Variants in UTY observed in about 807,000 individuals in gnomAD.
UTY encodes the protein histone demethylase UTY.
Under a neutral mutation model 32.5 loss-of-function variants are expected in UTY, and 12 were observed. The ratio of observed to expected loss-of-function variants is 0.37; its 90% confidence interval spans 0.24 to 0.60. The LOEUF (loss-of-function observed/expected upper bound fraction) is 0.60. Among genes scored for constraint, UTY ranks in the 20% least tolerant of loss-of-function variants. The probability of loss-of-function intolerance (pLI) is 0.69; values close to 1 mark genes in which losing one functional copy is unlikely to be tolerated. For synonymous variants in UTY, 131 were observed against 103.4 expected, an observed-to-expected ratio of 1.27 and a Z score of -1.62; for missense variants, 303 against 299.2, an observed-to-expected ratio of 1.01 and a Z score of -0.09.
intron 10 of UTY, 52 bp downstream of exon 10, chrY:13,366,215 A>G: frequency 2.9e-6 from 1 of 344,786 alleles, no homozygotes; most frequent in Non-Finnish European, 4.0e-6. Flanking sequence ...AAAATCTACA[A>G]ATGATTTTAC....
At chrY:13,305,879 G>C (rs973646360) in intron 23 of UTY, among the ~76,000 whole-genome samples, 159 bp downstream of exon 23, 17 of 32,705 alleles carry the variant, frequency 5.2e-4, no homozygotes, top group African/African-American at 2.0e-3. Context: ...GAATTTTAGG[G>C]TTATTAGGTA....
intron 19 of UTY, 151 bp from the exon 20 acceptor site, chrY:13,324,857 C>A (rs2060116824): frequency 7.3e-6 from 1 of 137,424 alleles, no homozygotes; most frequent in Non-Finnish European, 1.4e-5. Flanking sequence ...TGCATCCTAA[C>A]CTTTGATATT....
chrY:13,453,129 G>T (rs2076454134), intron 3 of UTY, among the ~76,000 whole-genome samples: 1 of 33,556 alleles, frequency 3.0e-5, no homozygotes, highest in Non-Finnish European at 7.4e-5. Context: ...CTAACATAAG[G>T]ATAGAAATAG....
chrY:13,476,148 A>C, intron 2 of UTY: 2 of 156,657 alleles, frequency 1.3e-5, no homozygotes, highest in Non-Finnish European at 1.6e-5. Flanking sequence ...TGTATGTCCA[A>C]CGTTGTACCC....
Position 13,235,252 on chromosome Y carries a change from G to C in UTY, c.*1477-426C>G, listed in dbSNP as rs374662282. ...GGAGCAGACACCTCCAAGCCTGTGG[G>C]GGAGGGATCCTTCCTGGGCCCCTGA... On this transcript the variant is annotated intron_variant and NMD_transcript_variant, in intron 28 of 28. Transcript: ENST00000682112. Among the ~76,000 whole-genome samples the C allele has an allele frequency of 2.1e-4, 7 of 33,625 alleles. No individual in the cohort carries two copies. In the East Asian group the frequency reaches 5.6e-3, roughly 27 times the overall value. The allele number at this position is 33,625 out of a possible 37,273, so 90.2% of individuals were successfully genotyped here.
chrY:13,379,581 G>A, intron 8 of UTY, among the ~76,000 whole-genome samples: 1 of 32,074 alleles, frequency 3.1e-5, no homozygotes, highest in African/African-American at 1.2e-4. Context: ...GCTGTCACAG[G>A]GAAATCTGAA....
At chrY:13,461,989 T>C in intron 3 of UTY, among the ~76,000 whole-genome samples, 1 of 33,817 alleles carries the variant, frequency 3.0e-5, no homozygotes, top group African/African-American at 1.1e-4. Context: ...TTTAAAATTG[T>C]ATATGCAGGC....
At chrY:13,474,673 T>C in intron 2 of UTY, among the ~76,000 whole-genome samples, 1 of 33,462 alleles carries the variant, frequency 3.0e-5, no homozygotes, top group Admixed American at 2.7e-4. Flanking sequence ...AGGCCAAAAG[T>C]GTAAAAATGA....
At chrY:13,433,159 G>A in intron 4 of UTY, among the ~76,000 whole-genome samples, 1 of 33,526 alleles carries the variant, frequency 3.0e-5, no homozygotes, top group Non-Finnish European at 7.4e-5. Flanking sequence ...TCAATGAGAC[G>A]CAAGAGAAAA....
chrY:13,312,167 C>A, intron 21 of UTY, among the ~76,000 whole-genome samples: 1 of 33,517 alleles, frequency 3.0e-5, no homozygotes, highest in Non-Finnish European at 7.4e-5. Context: ...CCGAGGCGGG[C>A]GGATCACGAG....
chrY:13,471,165 T>C, intron 2 of UTY, among the ~76,000 whole-genome samples: 1 of 34,034 alleles, frequency 2.9e-5, no homozygotes, highest in Non-Finnish European at 7.3e-5. Context: ...TGCAAACAGC[T>C]TGTTATTTGC....
chrY:13,439,318 T>C (rs992514874), intron 4 of UTY, among the ~76,000 whole-genome samples: 1 of 33,254 alleles, frequency 3.0e-5, no homozygotes, highest in African/African-American at 1.2e-4. Flanking sequence ...AAAGTATTTA[T>C]TGGTCTTTGT....
chrY:13,307,477 C>CA (rs199735142), intron 21 of UTY, among the ~76,000 whole-genome samples: 29 of 25,123 alleles, frequency 1.2e-3, no homozygotes, highest in Admixed American at 3.6e-3. Context: ...AAAACTCATG[C>CA]AAAAAAAAAA....
At chrY:13,477,911 C>T (rs760523694) in intron 2 of UTY, among the ~76,000 whole-genome samples, 2 of 33,728 alleles carry the variant, frequency 5.9e-5, no homozygotes, top group Admixed American at 5.5e-4. Context: ...CAAAGTTTAA[C>T]TCATGTTTCA....
chrY:13,270,341 A>C (rs561975663), intron 27 of UTY, among the ~76,000 whole-genome samples: 2,849 of 33,116 alleles, frequency 0.086, no homozygotes, highest in East Asian at 0.056. Context: ...TTTTAATAGG[A>C]AAACGCACAC....
chrY:13,313,390 C>T, intron 21 of UTY, among the ~76,000 whole-genome samples: 1 of 29,828 alleles, frequency 3.4e-5, no homozygotes, highest in Non-Finnish European at 8.2e-5. Context: ...TGAAGAAACT[C>T]CCCAGACCTA....
At chrY:13,243,165 G>A (rs992275815) in intron 28 of UTY, among the ~76,000 whole-genome samples, 9 of 31,777 alleles carry the variant, frequency 2.8e-4, no homozygotes, top group African/African-American at 8.7e-4. Flanking sequence ...AACCCAGGAG[G>A]TGGAGATTGC....
intron 3 of UTY, among the ~76,000 whole-genome samples, chrY:13,468,509 A>G: frequency 6.5e-5 from 2 of 30,990 alleles, no homozygotes; most frequent in African/African-American, 1.3e-4. Context: ...CCCGGTATCT[A>G]CTAAAAATAT....
At chrY:13,460,296 C>A (rs2077238642) in intron 3 of UTY, among the ~76,000 whole-genome samples, 1 of 33,333 alleles carries the variant, frequency 3.0e-5, no homozygotes, top group Admixed American at 2.8e-4. Flanking sequence ...AGTTCTATAA[C>A]CCCTACCATA....
Sources: gnomAD v4.1 joint callset for allele counts (sites outside exome capture counted in the v4.1 genomes callset) on GRCh38, gnomAD v4.1.1 for gene constraint, MANE v1.5 for transcripts, NCBI Gene and HGNC (gene_info 2026-07-23, HGNC 2026-07-21) for gene names.